Variants in MGAT5 observed in about 807,000 individuals in gnomAD.
MGAT5 encodes alpha-1,6-mannosylglycoprotein 6-beta-N-acetylglucosaminyltransferase A.
In MGAT5, 30 loss-of-function variants were observed where a neutral mutation model predicts 94.3. The ratio of observed to expected loss-of-function variants is 0.32; its 90% confidence interval spans 0.24 to 0.43. The LOEUF (loss-of-function observed/expected upper bound fraction) is 0.43, where lower values mean the gene tolerates loss of function less well. Ranked by LOEUF, MGAT5 falls within the 20% of genes least tolerant of loss-of-function variation. The probability of loss-of-function intolerance (pLI) is 1.00; values close to 1 mark genes in which losing one functional copy is unlikely to be tolerated. For missense variants in MGAT5, 691 were observed against 905.5 expected, an observed-to-expected ratio of 0.76 and a Z score of 3.04; for synonymous variants, 310 against 322.9, an observed-to-expected ratio of 0.96 and a Z score of 0.43.
intron 1 of MGAT5, among the ~76,000 whole-genome samples, chr2:134,222,036 A>G (rs1240647216): frequency 2.0e-5 from 3 of 151,836 alleles, no homozygotes; most frequent in Admixed American, 6.6e-5. Flanking sequence ...TTTGATGGTA[A>G]TAGTTTTAAA....
At chr2:134,171,511 C>T (rs1290084606) in intron 1 of MGAT5, among the ~76,000 whole-genome samples, 2 of 152,120 alleles carry the variant, frequency 1.3e-5, no homozygotes, top group African/African-American at 4.8e-5. Context: ...GATTTGGATC[C>T]TAACAAGTGA....
intron 9 of MGAT5, among the ~76,000 whole-genome samples, chr2:134,358,303 A>G (rs1473209478): frequency 2.6e-5 from 4 of 152,144 alleles, no homozygotes; most frequent in Non-Finnish European, 5.9e-5. Flanking sequence ...AAAAAAGTCC[A>G]GTAATAGTGG....
chr2:134,381,464 G>A (rs920657149), intron 10 of MGAT5, among the ~76,000 whole-genome samples: 3 of 150,822 alleles, frequency 2.0e-5, no homozygotes, highest in Non-Finnish European at 2.9e-5. Context: ...CTGTCTGGTA[G>A]GTAGGTAGGT....
intron 1 of MGAT5, among the ~76,000 whole-genome samples, chr2:134,125,074 C>T (rs1203367923): frequency 6.6e-6 from 1 of 151,482 alleles, no homozygotes; most frequent in African/African-American, 2.4e-5. Flanking sequence ...TGGTGATCAT[C>T]GTAGAGATTT....
chr2:134,258,622 G>A (rs993276060), intron 1 of MGAT5, among the ~76,000 whole-genome samples: 2 of 152,314 alleles, frequency 1.3e-5, no homozygotes, highest in African/African-American at 4.8e-5. Flanking sequence ...TGGATTTTGT[G>A]TGTGTGTGTG....
Sources: gnomAD v4.1 joint callset for allele counts (sites outside exome capture counted in the v4.1 genomes callset) on GRCh38, gnomAD v4.1.1 for gene constraint, MANE v1.5 for transcripts, NCBI Gene and HGNC (gene_info 2026-07-23, HGNC 2026-07-21) for gene names.